The following SORL1 variants were observed in gnomAD, a reference collection of about 807,000 sequenced individuals.
SORL1 encodes sortilin-related receptor.
In SORL1, 127 loss-of-function variants were observed where a neutral mutation model predicts 273.7. The ratio of observed to expected loss-of-function variants is 0.46; its 90% CI spans 0.40 to 0.54. The LOEUF (loss-of-function observed/expected upper bound fraction) is 0.54. SORL1 is among the 20% of genes least tolerant of loss of function. The pLI is 0.00. For synonymous variants in SORL1, 1,031 were observed against 1,067.4 expected, an observed-to-expected ratio of 0.97 and a Z score of 0.66; for missense variants, 2,494 against 2,846.1, an observed-to-expected ratio of 0.88 and a Z score of 2.81.
At position 121,554,146 on chromosome 11, in the gene SORL1, A is replaced by G; in HGVS notation, c.2439+37A>G. 1 of 1,593,998 alleles carries G rather than the reference A, an allele frequency of 6.3e-7. No individual in the cohort carries two copies. The highest frequency in any genetic ancestry group is 8.6e-7 in the Non-Finnish European group (1 of 1,164,888). ...CTTGGTCTGACTGTGGGAGCTGTGC[A>G]TCGTGACTGCCCTGTCCTGATAAGC... On this transcript the variant is annotated intron_variant, in intron 17 of 47. Coordinates refer to ENST00000260197, the MANE Select transcript of SORL1 (RefSeq NM_003105.6). This position sits in a 1 kb window ranked among gnomAD's most constrained non-coding sequence, Gnocchi z 4.6.
intron 3 of SORL1, among the ~76,000 whole-genome samples, chr11:121,483,907 G>A (rs2134804487): frequency 6.6e-6 from 1 of 152,244 alleles, no homozygotes; most frequent in Middle Eastern, 3.4e-3. Context: ...TTTGATATGA[G>A]CTTCAAGGAT....
At chr11:121,480,360 A>C (rs960364534) in intron 3 of SORL1, among the ~76,000 whole-genome samples, 1 of 152,156 alleles carries the variant, frequency 6.6e-6, no homozygotes, top group Admixed American at 6.5e-5. Flanking sequence ...AGTAATGATA[A>C]AAACCACAAT....
At chr11:121,504,790 A>C (rs374244445) in intron 6 of SORL1, among the ~76,000 whole-genome samples, 3 of 152,164 alleles carry the variant, frequency 2.0e-5, no homozygotes, top group East Asian at 3.8e-4. Flanking sequence ...GGGGAAATGC[A>C]TTCAGTCTTA....
chr11:121,484,708 T>G (rs1454976535), intron 3 of SORL1, among the ~76,000 whole-genome samples: 4 of 152,082 alleles, frequency 2.6e-5, no homozygotes. Context: ...AAATGGAATC[T>G]CTGTAAGAAT....
At position 121,555,235 on chromosome 11, in the gene SORL1, G is replaced by C. The variant is rs772442769; in HGVS notation, c.2488G>C (p.Gly830Arg). 4 of 1,614,062 alleles carry C rather than the reference G, an allele frequency of 2.5e-6. No individual in the cohort carries two copies. The highest frequency in any genetic ancestry group is 3.4e-6 in the Non-Finnish European group (4 of 1,179,932). ...STGQEVIINS[G>R]LETVEALAFE... ...AGGGCAAGAGGTGATCATCAATTCTGGCCTGGAGACAGTAGAAGCTTTGGC... is the reference window on the plus strand; with the variant it reads ...AGGGCAAGAGGTGATCATCAATTCTCGCCTGGAGACAGTAGAAGCTTTGGC... The change falls in exon 18 of 48, where the codon GGC (glycine) becomes CGC (arginine). Residue 830 changes from glycine to arginine, a missense_variant. Coordinates refer to ENST00000260197, the MANE Select transcript of SORL1 (RefSeq NM_003105.6).
chr11:121,586,223 G>A lies in SORL1; in HGVS notation c.3708G>A (p.Glu1236=), dbSNP rs148042850. Residue 1236 remains glutamate, a splice_region_variant and synonymous_variant, in exon 27 of 48, where the codon GAG becomes GAA. Transcript: ENST00000260197. ...CTGTGTTGTTGAATTCTATTTCAGA[G>A]AAGAAGTGCAATGGATTCCGCTGCC... ...DGSDEDPVNC[E]KKCNGFRCPN... 5.0e-6 allele frequency: 8 copies of A among 1,610,200 alleles called. No homozygotes were observed. The African/African-American group carries it at 1.1e-4, about 22-fold the overall frequency.
chr11:121,470,213 G>A, intron 2 of SORL1, 90 bp downstream of exon 2: 2 of 830,174 alleles, frequency 2.4e-6, no homozygotes, highest in South Asian at 1.3e-5. Flanking sequence ...AAAAAGTAGT[G>A]GGTAATTGGA....
At chr11:121,496,659 A>G (rs1159471560) in intron 5 of SORL1, among the ~76,000 whole-genome samples, 2 of 152,182 alleles carry the variant, frequency 1.3e-5, no homozygotes, top group Non-Finnish European at 2.9e-5. Context: ...TGCTTTGAAA[A>G]CAACATAAAA....
At chr11:121,524,405 C>A (rs1264997549) in intron 11 of SORL1, among the ~76,000 whole-genome samples, 1 of 152,224 alleles carries the variant, frequency 6.6e-6, no homozygotes, top group African/African-American at 2.4e-5. Context: ...TGCCTCCCTC[C>A]ACACGTGCCT....
chr11:121,629,315 C>T, intron 47 of SORL1, 181 bp from the exon 48 acceptor site: 2 of 529,514 alleles, frequency 3.8e-6, no homozygotes, highest in Non-Finnish European at 6.7e-6. Flanking sequence ...AGAAGGTGGC[C>T]AGGAGGGACA....
chr11:121,509,222 C>G (rs1178158904), intron 6 of SORL1, among the ~76,000 whole-genome samples: 1 of 151,578 alleles, frequency 6.6e-6, no homozygotes, highest in African/African-American at 2.4e-5. Context: ...TGCTTCTGAA[C>G]TAGTGGCCCT....
At chr11:121,480,939 C>T (rs1200268724) in intron 3 of SORL1, among the ~76,000 whole-genome samples, 5 of 124,932 alleles carry the variant, frequency 4.0e-5, no homozygotes, top group South Asian at 2.8e-4. Context: ...CCCAGCTCCT[C>T]CCCTAGTGCA....
At chr11:121,510,074 A>G (rs1347090411) in intron 6 of SORL1, among the ~76,000 whole-genome samples, 1 of 152,254 alleles carries the variant, frequency 6.6e-6, no homozygotes, top group Non-Finnish European at 1.5e-5. Flanking sequence ...TGTGTGTTTA[A>G]GAATGTTTCT....
chr11:121,583,266 C>G (rs540066095), intron 25 of SORL1, among the ~76,000 whole-genome samples, 192 bp from the exon 26 acceptor site: 1 of 152,196 alleles, frequency 6.6e-6, no homozygotes, highest in African/African-American at 2.4e-5. Context: ...AATCCATAGG[C>G]TCAAGTCCAC....
At chr11:121,607,351 T>C in intron 37 of SORL1, 61 bp downstream of exon 37, 1 of 940,280 alleles carries the variant, frequency 1.1e-6, no homozygotes. Context: ...AAATTGCTGC[T>C]GTTTTGTGAG....
chr11:121,468,664 G>A (rs913468690), intron 1 of SORL1, among the ~76,000 whole-genome samples: 7 of 152,058 alleles, frequency 4.6e-5, no homozygotes, highest in African/African-American at 1.7e-4. Context: ...CAGGTGATCT[G>A]CCCGCCTTGG....
intron 7 of SORL1, among the ~76,000 whole-genome samples, 194 bp downstream of exon 7, chr11:121,513,298 G>A (rs559909354): frequency 1.3e-5 from 2 of 152,314 alleles, no homozygotes; most frequent in Admixed American, 6.5e-5. Context: ...AGAGCTGAAC[G>A]AGAGACTTAG....
At chr11:121,543,516 C>G (rs1379465997) in intron 12 of SORL1, 32 bp from the exon 13 acceptor site, 1 of 1,566,166 alleles carries the variant, frequency 6.4e-7, no homozygotes. Flanking sequence ...GAGACTTTCA[C>G]TGCAAGGATT....
chr11:121,550,747 CT>C lies in SORL1; in HGVS notation c.2266+79del. On this transcript the variant is annotated intron_variant, in intron 16 of 47. Transcript: ENST00000260197. This position sits in a 1 kb window ranked among gnomAD's most constrained non-coding sequence, Gnocchi z 5.3. ...TATCACGATCTCACCCAAGTCCGGG[CT>C]TGTGGCTCCTTTAATTGAGTGGAGA... 9.2e-7 allele frequency: 1 copy of C among 1,081,212 alleles called. No homozygotes were observed. The highest frequency in any genetic ancestry group is 1.6e-5 in the African/African-American group (1 of 63,606). 67.0% of individuals were successfully genotyped at this position (1,081,212 alleles called of 1,614,324 possible).
Sources: allele counts gnomAD v4.1 joint callset (sites outside exome capture counted in the v4.1 genomes callset), GRCh38; gene constraint gnomAD v4.1.1; non-coding constraint Gnocchi (gnomAD v3.1); transcripts MANE v1.5; gene names NCBI Gene and HGNC (gene_info 2026-07-23, HGNC 2026-07-21).